Variants in ABI2 observed in about 807,000 individuals in gnomAD.
The protein encoded by ABI2 is abelson interactor 2.
Under a neutral mutation model 59.2 loss-of-function variants are expected in ABI2, and 25 were observed. The observed-to-expected ratio is 0.42, with a 90% CI of 0.31 to 0.59. The LOEUF is 0.59. ABI2 is among the 20% of genes least tolerant of loss of function. The pLI, the probability that ABI2 is intolerant of heterozygous loss-of-function variation, is 0.14. For missense variants in ABI2, 545 were observed against 681.8 expected, an observed-to-expected ratio of 0.80 and a Z score of 2.23; for synonymous variants, 213 against 235.5, an observed-to-expected ratio of 0.90 and a Z score of 0.87.
At chr2:203,421,134 A>G (rs535926161) in intron 11 of ABI2, among the ~76,000 whole-genome samples, 3 of 152,226 alleles carry the variant, frequency 2.0e-5, no homozygotes, top group Non-Finnish European at 2.9e-5. Context: ...ATATCCATCT[A>G]CTTATGTAAC....
intron 1 of ABI2, among the ~76,000 whole-genome samples, chr2:203,335,001 G>A (rs1287757449): frequency 6.6e-6 from 1 of 152,112 alleles, no homozygotes; most frequent in Non-Finnish European, 1.5e-5. Flanking sequence ...ATTTTTATGG[G>A]ATTGGTTAAT....
rs1033527965 is a variant in ABI2, at chr2:203,431,954, C to A, written c.*4602C>A. The A allele has an allele frequency of 6.6e-6, 1 of 152,052 alleles. No homozygotes were observed. The highest frequency in any genetic ancestry group is 6.6e-5 in the Admixed American group (1 of 15,266). 9.4% of individuals were successfully genotyped at this position (152,052 alleles called of 1,614,324 possible). A position where few individuals can be genotyped will look rare whatever the true frequency, so the allele number is the denominator to read the frequency against. ...ACAATTTGTGATCTGGCCAGTTGTACTTTTAGCTCCCAGAGGGAGAGTTGG... is the reference window on the plus strand; with the variant it reads ...ACAATTTGTGATCTGGCCAGTTGTAATTTTAGCTCCCAGAGGGAGAGTTGG... On this transcript the variant is annotated 3_prime_UTR_variant, in exon 12 of 12. Coordinates refer to ENST00000261018, the MANE Select transcript of ABI2 (RefSeq NM_001375670.1).
At chr2:203,359,406 T>C (rs945621171) in intron 1 of ABI2, among the ~76,000 whole-genome samples, 3 of 152,200 alleles carry the variant, frequency 2.0e-5, no homozygotes, top group African/African-American at 7.2e-5. Context: ...CTCTCATTTG[T>C]AGAATGTACA....
chr2:203,391,940 G>C (rs1428856142), intron 5 of ABI2, among the ~76,000 whole-genome samples: 1 of 152,036 alleles, frequency 6.6e-6, no homozygotes, highest in East Asian at 1.9e-4. Context: ...TTCTTCTAGA[G>C]CATCGTATTA....
chr2:203,421,838 C>T (rs2098221129), intron 11 of ABI2, among the ~76,000 whole-genome samples: 1 of 151,994 alleles, frequency 6.6e-6, no homozygotes, highest in Admixed American at 6.6e-5. Flanking sequence ...GTGGTGCACG[C>T]CTGTAGTCCC....
At chr2:203,384,212 T>C (rs2096309373) in intron 4 of ABI2, among the ~76,000 whole-genome samples, 1 of 152,068 alleles carries the variant, frequency 6.6e-6, no homozygotes, top group African/African-American at 2.4e-5. Flanking sequence ...TGGAGGTGTT[T>C]TCATATATAC....
rs916633308 is a variant in ABI2, at chr2:203,428,273, C to G, written c.*921C>G. On this transcript the variant is annotated 3_prime_UTR_variant, in exon 12 of 12. Coordinates refer to ENST00000261018, the MANE Select transcript of ABI2 (RefSeq NM_001375670.1). ...AGTAGGATCTTGGAGTTCAGACCAA[C>G]TATGACTATCATTTCCTTCACTATC... 6.6e-6 allele frequency: 1 copy of G among 152,612 alleles called. No individual in the cohort carries two copies. The highest frequency in any genetic ancestry group is 2.4e-5 in the African/African-American group (1 of 41,438). The allele number at this position is 152,612 out of a possible 1,614,324, so 9.5% of individuals were successfully genotyped here. A position where few individuals can be genotyped will look rare whatever the true frequency, so the allele number is the denominator to read the frequency against.
intron 10 of ABI2, among the ~76,000 whole-genome samples, chr2:203,413,985 T>A (rs17807416): frequency 0.44 from 67,499 of 151,852 alleles, 16,844 homozygotes; most frequent in Middle Eastern, 0.7. Context: ...TTGGATAGAG[T>A]CCAAACTGCT....
intron 4 of ABI2, among the ~76,000 whole-genome samples, chr2:203,386,178 A>G (rs1338197613): frequency 1.3e-5 from 2 of 152,206 alleles, no homozygotes; most frequent in East Asian, 3.9e-4. Context: ...AACTGGACAG[A>G]GAATGAAGGC....
At chr2:203,346,436 A>G (rs2083607380) in intron 1 of ABI2, among the ~76,000 whole-genome samples, 1 of 152,230 alleles carries the variant, frequency 6.6e-6, no homozygotes, top group Non-Finnish European at 1.5e-5. Context: ...GTATGATACC[A>G]TATTACTGCC....
intron 1 of ABI2, among the ~76,000 whole-genome samples, chr2:203,335,649 TC>T (rs2152394040): frequency 6.6e-6 from 1 of 152,376 alleles, no homozygotes; most frequent in South Asian, 2.1e-4. Context: ...ACATTTATGT[TC>T]TGTAAAGTTT....
chr2:203,414,869 A>G (rs183838629), intron 10 of ABI2, among the ~76,000 whole-genome samples: 1 of 152,342 alleles, frequency 6.6e-6, no homozygotes, highest in African/African-American at 2.4e-5. Context: ...CAATATAAAG[A>G]TGAAATGAAA....
At chr2:203,388,543 C>T (rs1218885587) in intron 4 of ABI2, among the ~76,000 whole-genome samples, 4 of 151,894 alleles carry the variant, frequency 2.6e-5, no homozygotes, top group East Asian at 1.9e-4. Context: ...AGTAGCTGGG[C>T]GTGGTGGTGC....
At chr2:203,369,680 A>G (rs1173666401) in intron 2 of ABI2, among the ~76,000 whole-genome samples, 3 of 152,194 alleles carry the variant, frequency 2.0e-5, no homozygotes, top group Non-Finnish European at 2.9e-5. Context: ...CCTCAGTCAA[A>G]GCTGTCAGGA....
chr2:203,335,493 G>A (rs946433057), intron 1 of ABI2, among the ~76,000 whole-genome samples: 5 of 151,994 alleles, frequency 3.3e-5, no homozygotes, highest in African/African-American at 9.7e-5. Flanking sequence ...GAACACCTGG[G>A]CTCAAGCAAT....
At chr2:203,360,147 T>C (rs1281887292) in intron 1 of ABI2, among the ~76,000 whole-genome samples, 1 of 128,210 alleles carries the variant, frequency 7.8e-6, no homozygotes, top group South Asian at 2.5e-4. Context: ...ATTGCACCAC[T>C]GCACTCTAGT....
rs191338980 is a variant in ABI2, at chr2:203,378,236, C to A, written c.286-1972C>A. Among the ~76,000 whole-genome samples, 78 of 152,146 alleles carry A rather than the reference C, an allele frequency of 5.1e-4. 1 individual carries two copies. The East Asian group carries it at 8.3e-3, about 16-fold the overall frequency. On this transcript the variant is annotated intron_variant, in intron 2 of 11. Transcript: ENST00000261018. ...CACGCCATTCTCCTGCCTCAGCCCC[C>A]CAAGTAGCTGGGACTACAGGCACCC...
intron 2 of ABI2, among the ~76,000 whole-genome samples, chr2:203,372,505 C>T (rs1291892685): frequency 1.3e-5 from 2 of 151,844 alleles, no homozygotes; most frequent in African/African-American, 4.8e-5. Context: ...GTAGGGGCGG[C>T]CGGGCAGAGG....
At position 203,395,691 on chromosome 2, in the gene ABI2, G is replaced by A. The variant is rs754652339; in HGVS notation, c.761G>A (p.Ser254Asn). Residue 254 changes from serine to asparagine, a missense_variant, in exon 7 of 12, where the codon AGT becomes AAT. Physicochemically the swap from Ser to Asn is conservative, Grantham distance 46 (BLOSUM62 1). Transcript: ENST00000261018. ...AGTAGTGGAGGGAGCCACCCAAGTA[G>A]TCGGAGCAGCAGTCGAGAGAACAGT... ...SGSSGGSHPS[S>N]RSSSRENSGS... The A allele has an allele frequency of 1.2e-6, 2 of 1,612,508 alleles. No homozygotes were observed. The highest frequency in any genetic ancestry group is 1.7e-6 in the Non-Finnish European group (2 of 1,179,356).
Sources: gnomAD v4.1 joint callset for allele counts (sites outside exome capture counted in the v4.1 genomes callset) on GRCh38, gnomAD v4.1.1 for gene constraint, MANE v1.5 for transcripts, NCBI Gene and HGNC (gene_info 2026-07-23, HGNC 2026-07-21) for gene names.